DNAAF5: variants seen among roughly 807,000 people sequenced by gnomAD.
DNAAF5 encodes the protein HEAT repeat containing 2.
In DNAAF5, 64 loss-of-function variants were observed where a neutral mutation model predicts 75.8. That is an observed-to-expected ratio of 0.84 (90% CI 0.69 to 1.04). The LOEUF (loss-of-function observed/expected upper bound fraction) is 1.04, where lower values mean the gene tolerates loss of function less well. DNAAF5 is among the 50% of genes least tolerant of loss of function. The probability of loss-of-function intolerance (pLI) is 0.00; values close to 1 mark genes in which losing one functional copy is unlikely to be tolerated. For synonymous variants in DNAAF5, 657 were observed against 557.2 expected (o/e 1.18, Z -2.52); for missense variants, 1,269 against 1,178.5 (o/e 1.08, Z -1.12).
At chr7:729,015 G>A (rs932507401) in intron 1 of DNAAF5, among the ~76,000 whole-genome samples, 1 of 33,144 alleles carries the variant, frequency 3.0e-5, no homozygotes, top group African/African-American at 1.2e-4. Flanking sequence ...TTTTTTTTTT[G>A]AGACAGGGTT....
intron 6 of DNAAF5, among the ~76,000 whole-genome samples, 164 bp from the exon 7 acceptor site, chr7:761,583 TAATATC>T (rs540628546): frequency 6.6e-6 from 1 of 152,312 alleles, no homozygotes; most frequent in Non-Finnish European, 1.5e-5. Context: ...TCGTGAGACT[TAATATC>T]AAGAGAACAG....
intron 12 of DNAAF5, among the ~76,000 whole-genome samples, chr7:782,076 G>T (rs927367222): frequency 1.4e-4 from 21 of 152,180 alleles, no homozygotes; most frequent in South Asian, 2.1e-4. Context: ...CCGGTTTCCC[G>T]GCGTGGCTAC....
At chr7:763,378 C>T (rs1782725409) in intron 7 of DNAAF5, among the ~76,000 whole-genome samples, 2 of 152,186 alleles carry the variant, frequency 1.3e-5, no homozygotes, top group African/African-American at 2.4e-5. Context: ...CCAAGGTTAT[C>T]ATCTCTGTCT....
At position 769,502 on chromosome 7, in the gene DNAAF5, G is replaced by A. The variant is rs573434868; in HGVS notation, c.1784-969G>A. ...CCACCGGAGAGCAGCCACGGTGCAG[G>A]AGCTTGGCCCTGAGTGTGGGCGGGG... On this transcript the variant is annotated intron_variant, in intron 8 of 12. Coordinates refer to ENST00000297440, the MANE Select transcript of DNAAF5 (RefSeq NM_017802.4). 8.5e-5 allele frequency among the ~76,000 whole-genome samples: 13 copies of A among 152,346 alleles called. No individual in the cohort carries two copies. The South Asian group carries it at 1.2e-3, about 15-fold the overall frequency.
chr7:780,563 G>T (rs767769538), intron 12 of DNAAF5, among the ~76,000 whole-genome samples: 11 of 152,240 alleles, frequency 7.2e-5, no homozygotes, highest in Non-Finnish European at 7.3e-5. Context: ...TGATGTGTAT[G>T]GCTCTGGCTG....
intron 2 of DNAAF5, among the ~76,000 whole-genome samples, chr7:738,703 T>C (rs1304861828): frequency 6.6e-6 from 1 of 152,088 alleles, no homozygotes; most frequent in Non-Finnish European, 1.5e-5. Flanking sequence ...AATTTGCAGG[T>C]TTCTTATGAT....
chr7:782,872 C>T (rs540722711), intron 12 of DNAAF5, among the ~76,000 whole-genome samples: 6 of 152,264 alleles, frequency 3.9e-5, no homozygotes, highest in East Asian at 1.9e-4. Context: ...GGCGTGGCCG[C>T]GTCCCCTCAC....
In DNAAF5 at chr7:754,648, C is replaced by T. The variant is rs778768470; in HGVS notation, c.1084C>T (p.Pro362Ser). 10 of 1,614,058 alleles carry T rather than the reference C, an allele frequency of 6.2e-6. No individual in the cohort carries two copies. In the African/African-American group the frequency reaches 9.3e-5, roughly 15 times the overall value. The change falls in exon 5 of 13, where the codon CCT becomes TCT. Residue 362 changes from proline to serine, a missense_variant. Coordinates refer to ENST00000297440, the MANE Select transcript of DNAAF5 (RefSeq NM_017802.4). The surrounding 1 kb of genome is among the most constrained non-coding windows in gnomAD (Gnocchi z 4.8). Reference protein sequence around the residue: ...LVFRNLSKILPALCHDITDWV... With the variant: ...LVFRNLSKILSALCHDITDWV... ...CTTCAGGAACCTCTCCAAGATCCTC[C>T]CTGCCCTGTGCCACGACATCACCGA...
At chr7:771,680 C>A (rs888639340) in intron 9 of DNAAF5, 1 of 152,250 alleles carries the variant, frequency 6.6e-6, no homozygotes, top group Non-Finnish European at 1.5e-5. Flanking sequence ...GTCCAGCTTG[C>A]AGGCTGATAT....
intron 6 of DNAAF5, among the ~76,000 whole-genome samples, chr7:760,085 AGCTCTGAGGGAGACGGGGCCGCGCG>A: frequency 8.7e-5 from 1 of 11,506 alleles, no homozygotes; most frequent in African/African-American, 2.5e-4. Context: ...CGGCTCCTCC[AGCTCTGAGGGAGACGGGGCCGCGCG>A]GCTCCTCCAG....
chr7:754,455 C>A lies in DNAAF5; in HGVS notation c.1025-134C>A. On this transcript the variant is annotated intron_variant, in intron 4 of 12. Transcript: ENST00000297440. This position sits in a 1 kb window ranked among gnomAD's most constrained non-coding sequence, Gnocchi z 4.8. ...AACGACGGGGCATTTGTCAGCTTTG[C>A]GTCCACCCCAAGACTTGTTTTGAAA... The A allele has an allele frequency of 1.3e-6, 1 of 766,724 alleles. No homozygotes were observed. Among genetic ancestry groups the A allele is most frequent in the Admixed American group, 2.1e-5 (1 of 48,372 alleles). The allele number at this position is 766,724 out of a possible 1,614,324, so 47.5% of individuals were successfully genotyped here. A position where few individuals can be genotyped will look rare whatever the true frequency, so the allele number is the denominator to read the frequency against.
In DNAAF5 at chr7:727,180, G is replaced by C. The variant is rs929116538; in HGVS notation, c.460G>C (p.Asp154His). 2.2e-5 allele frequency: 29 copies of C among 1,338,734 alleles called. No individual in the cohort carries two copies. The highest frequency in any genetic ancestry group is 2.7e-5 in the Non-Finnish European group (28 of 1,040,266). 82.9% of individuals were successfully genotyped at this position (1,338,734 alleles called of 1,614,324 possible). A position where few individuals can be genotyped will look rare whatever the true frequency, so the allele number is the denominator to read the frequency against. ...ALVQLLGLAV[D>H]LCGAALAPHL... is the part of the protein sequence containing the mutation. ...TGTGCAGCTGCTGGGCCTGGCCGTGGACCTGTGCGGCGCCGCGCTCGCGCC... is the reference window on the plus strand; with the variant it reads ...TGTGCAGCTGCTGGGCCTGGCCGTGCACCTGTGCGGCGCCGCGCTCGCGCC... The change falls in exon 1 of 13, where the codon GAC becomes CAC. Residue 154 changes from aspartate to histidine, a missense_variant. Coordinates refer to ENST00000297440, the MANE Select transcript of DNAAF5 (RefSeq NM_017802.4).
chr7:783,090 C>T (rs1039138916), intron 12 of DNAAF5, among the ~76,000 whole-genome samples: 2 of 152,228 alleles, frequency 1.3e-5, no homozygotes, highest in Non-Finnish European at 1.5e-5. Flanking sequence ...CTTGTATCCT[C>T]GGCCACAAAC....
intron 2 of DNAAF5, among the ~76,000 whole-genome samples, chr7:736,887 G>GT (rs1781755694): frequency 6.6e-6 from 1 of 151,754 alleles, no homozygotes. Flanking sequence ...TTTATTTGAA[G>GT]TTACCATGAG....
rs1167742655 is a variant in DNAAF5 at position 727,215 on chromosome 7, C to T, written c.495C>T (p.Asp165=). 12 of 1,350,708 alleles carry T rather than the reference C, an allele frequency of 8.9e-6. No homozygotes were observed. In the Admixed American group the frequency reaches 9.6e-5, roughly 11 times the overall value. The allele number at this position is 1,350,708 out of a possible 1,614,324, so 83.7% of individuals were successfully genotyped here. The change falls in exon 1 of 13, where the codon GAC becomes GAT. Residue 165 remains aspartate, a synonymous_variant. Transcript: ENST00000297440. ...GCGCCGCGCTCGCGCCCCACCTGGA[C>T]GACGCTCTGCGCGCGCTGCGCTGCT... ...LCGAALAPHL[D]DALRALRCSL...
rs796966699 is a variant in DNAAF5 at position 785,948 on chromosome 7, T to C, written c.*295T>C. 126 of 338,922 alleles carry C rather than the reference T, an allele frequency of 3.7e-4. No individual in the cohort carries two copies. The highest frequency in any genetic ancestry group is 2.5e-3 in the African/African-American group (118 of 47,218). The allele number at this position is 338,922 out of a possible 1,614,324, so 21.0% of individuals were successfully genotyped here. ...GCCACTTCAGCAGCATCTTAGATTT[T>C]AAGCCTCACGTGCGCAGCTGGTTCA... On this transcript the variant is annotated 3_prime_UTR_variant, in exon 13 of 13. Transcript: ENST00000297440.
intron 4 of DNAAF5, among the ~76,000 whole-genome samples, chr7:748,767 C>T (rs1782199394): frequency 6.6e-6 from 1 of 152,214 alleles, no homozygotes; most frequent in South Asian, 2.1e-4. Flanking sequence ...CTTAGTGGCT[C>T]TGTGAGCACC....
At chr7:745,840 C>T (rs544271731) in intron 4 of DNAAF5, among the ~76,000 whole-genome samples, 2 of 152,386 alleles carry the variant, frequency 1.3e-5, no homozygotes, top group East Asian at 1.9e-4. Flanking sequence ...GAAACACAGG[C>T]TCTTTGGAGG....
At chr7:765,314 T>C (rs1782786476) in intron 8 of DNAAF5, among the ~76,000 whole-genome samples, 1 of 152,136 alleles carries the variant, frequency 6.6e-6, no homozygotes, top group African/African-American at 2.4e-5. Flanking sequence ...AGGCAGCGAC[T>C]CCAGAGCCTC....
Sources: gnomAD v4.1 joint callset for allele counts (sites outside exome capture counted in the v4.1 genomes callset) on GRCh38, gnomAD v4.1.1 for gene constraint, Gnocchi (gnomAD v3.1) non-coding constraint, MANE v1.5 for transcripts, NCBI Gene and HGNC (gene_info 2026-07-23, HGNC 2026-07-21) for gene names.